RBM20: variants seen among roughly 807,000 people sequenced by gnomAD.
RBM20 encodes RNA binding motif protein 20.
In RBM20, 51 loss-of-function variants were observed where a neutral mutation model predicts 110.1. The ratio of observed to expected loss-of-function variants is 0.46; its 90% confidence interval spans 0.37 to 0.59. RBM20 has a LOEUF of 0.59. Ranked by LOEUF, RBM20 falls within the 20% of genes least tolerant of loss-of-function variation. RBM20 has a pLI of 0.00. For missense variants in RBM20, 1,512 were observed against 1,574.9 expected (o/e 0.96, Z 0.68); for synonymous variants, 589 against 618.2 (o/e 0.95, Z 0.70).
chr10:110,696,381 A>G (rs1294187506), intron 1 of RBM20, among the ~76,000 whole-genome samples: 5 of 152,174 alleles, frequency 3.3e-5, no homozygotes, highest in Non-Finnish European at 5.9e-5. Flanking sequence ...TTCTTGGGAA[A>G]TACAGATGGG....
At chr10:110,729,193 T>C (rs969610032) in intron 1 of RBM20, among the ~76,000 whole-genome samples, 2 of 152,194 alleles carry the variant, frequency 1.3e-5, no homozygotes, top group Non-Finnish European at 2.9e-5. Context: ...TTTAAGAACA[T>C]GCCACTTAAA....
At chr10:110,722,942 T>C (rs1297081620) in intron 1 of RBM20, among the ~76,000 whole-genome samples, 2 of 151,996 alleles carry the variant, frequency 1.3e-5, no homozygotes, top group Non-Finnish European at 2.9e-5. Flanking sequence ...CAAAACTCTG[T>C]CTCTACTAAA....
At chr10:110,699,412 C>T (rs1292103198) in intron 1 of RBM20, among the ~76,000 whole-genome samples, 1 of 151,904 alleles carries the variant, frequency 6.6e-6, no homozygotes. Flanking sequence ...GCTGAGATTA[C>T]AGGCGCTGAC....
At chr10:110,728,168 G>A (rs955646700) in intron 1 of RBM20, among the ~76,000 whole-genome samples, 2 of 152,158 alleles carry the variant, frequency 1.3e-5, no homozygotes, top group African/African-American at 4.8e-5. Flanking sequence ...TATATACCCA[G>A]TAATGGAATT....
chr10:110,741,285 C>A (rs1843721656), intron 1 of RBM20, among the ~76,000 whole-genome samples: 3 of 152,180 alleles, frequency 2.0e-5, no homozygotes, highest in Non-Finnish European at 4.4e-5. Flanking sequence ...AATAAGAAAT[C>A]ATCTGTAGAG....
rs1380949016 is a variant in RBM20, at chr10:110,836,669, G to A, written c.*691G>A. 1 of 152,176 alleles carries A rather than the reference G, an allele frequency of 6.6e-6. No homozygotes were observed. Among genetic ancestry groups the A allele is most frequent in the Non-Finnish European group, 1.5e-5 (1 of 68,032 alleles). 9.4% of individuals were successfully genotyped at this position (152,176 alleles called of 1,614,324 possible). A position where few individuals can be genotyped will look rare whatever the true frequency, so the allele number is the denominator to read the frequency against. On this transcript the variant is annotated 3_prime_UTR_variant, in exon 14 of 14. Coordinates refer to ENST00000369519, the MANE Select transcript of RBM20 (RefSeq NM_001134363.3). ...AAATCTGCCAGACTTATGCCTTAAAGTAAAATTAAATGAATTTTAGAGAAG... is the reference window on the plus strand; with the variant it reads ...AAATCTGCCAGACTTATGCCTTAAAATAAAATTAAATGAATTTTAGAGAAG...
At chr10:110,713,877 A>C (rs1025258461) in intron 1 of RBM20, among the ~76,000 whole-genome samples, 4 of 152,196 alleles carry the variant, frequency 2.6e-5, no homozygotes, top group African/African-American at 7.2e-5. Context: ...TTTCCAGCCT[A>C]CTAAGGACTA....
intron 1 of RBM20, among the ~76,000 whole-genome samples, chr10:110,698,727 G>A (rs911795450): frequency 6.6e-6 from 1 of 152,200 alleles, no homozygotes; most frequent in African/African-American, 2.4e-5. Context: ...CCCACTTTTA[G>A]TTCCTCAGTG....
At chr10:110,734,222 C>G (rs947834256) in intron 1 of RBM20, among the ~76,000 whole-genome samples, 2 of 151,938 alleles carry the variant, frequency 1.3e-5, no homozygotes, top group African/African-American at 4.8e-5. Flanking sequence ...CATTTGTGTC[C>G]CAGGAGAAAC....
chr10:110,674,285 C>T (rs1390922948), intron 1 of RBM20, among the ~76,000 whole-genome samples: 5 of 152,116 alleles, frequency 3.3e-5, no homozygotes, highest in African/African-American at 7.2e-5. Flanking sequence ...AACCTGTACC[C>T]GTATCAGTTC....
In RBM20 at chr10:110,781,455, T is replaced by C. The variant is rs1844345652; in HGVS notation, c.846T>C (p.Phe282=). The stretch of plus-strand genomic sequence containing the variant: ...GTCAAGCTGCCTTTTCCAAAGATTT[T>C]TACGGACCCAACTCCCAAGGTTCAC... ...QDGQAAFSKD[F]YGPNSQGSHV... is the part of the protein sequence containing the mutation. Residue 282 remains phenylalanine, a synonymous_variant, in exon 2 of 14, where the codon TTT becomes TTC. Transcript: ENST00000369519. 1 of 1,551,460 alleles carries C rather than the reference T, an allele frequency of 6.4e-7. No individual in the cohort carries two copies. The highest frequency in any genetic ancestry group is 1.2e-5 in the South Asian group (1 of 84,070).
Position 110,799,779 on chromosome 10 carries a change from T to C in RBM20, c.1669-8T>C, listed in dbSNP as rs1844597824. 6.5e-7 allele frequency: 1 copy of C among 1,549,508 alleles called. No individual in the cohort carries two copies. The highest frequency in any genetic ancestry group is 1.2e-5 in the South Asian group (1 of 83,660). ...AAGTCCAGTGAGTGTCCTTCCTTTCTTTCTTAGGCCTTTTTAGAGATGGCT... is the reference window on the plus strand; with the variant it reads ...AAGTCCAGTGAGTGTCCTTCCTTTCCTTCTTAGGCCTTTTTAGAGATGGCT... On this transcript the variant is annotated splice_region_variant and splice_polypyrimidine_tract_variant and intron_variant, in intron 6 of 13. Transcript: ENST00000369519.
intron 7 of RBM20, among the ~76,000 whole-genome samples, chr10:110,806,702 G>C (rs1310183462): frequency 6.6e-6 from 1 of 152,238 alleles, no homozygotes; most frequent in South Asian, 2.1e-4. Context: ...TGGATTCTTC[G>C]GGGTTCAGTA....
At chr10:110,709,754 G>C (rs902186539) in intron 1 of RBM20, among the ~76,000 whole-genome samples, 1 of 151,702 alleles carries the variant, frequency 6.6e-6, no homozygotes. Flanking sequence ...TAATTTTGTA[G>C]AGATGGGGGG....
chr10:110,682,799 C>T (rs569291758), intron 1 of RBM20, among the ~76,000 whole-genome samples: 2 of 152,282 alleles, frequency 1.3e-5, no homozygotes, highest in Admixed American at 6.5e-5. Flanking sequence ...ATGCAAATAT[C>T]CTGTTTCTTT....
intron 1 of RBM20, among the ~76,000 whole-genome samples, chr10:110,752,071 A>C (rs1200493278): frequency 6.6e-6 from 1 of 152,080 alleles, no homozygotes; most frequent in Non-Finnish European, 1.5e-5. Context: ...TGTCCTTTAC[A>C]CTGGGGTTCA....
chr10:110,807,326 A>G (rs1278397958), intron 7 of RBM20, among the ~76,000 whole-genome samples: 3 of 152,292 alleles, frequency 2.0e-5, no homozygotes, highest in African/African-American at 7.2e-5. Flanking sequence ...TTCTGTGGTT[A>G]AGAAAATAAG....
At chr10:110,717,365 A>G (rs946862345) in intron 1 of RBM20, among the ~76,000 whole-genome samples, 1 of 152,112 alleles carries the variant, frequency 6.6e-6, no homozygotes, top group Non-Finnish European at 1.5e-5. Context: ...CCTCCTCTCC[A>G]GAAAAATTCC....
At chr10:110,794,556 A>T (rs1194807604) in intron 5 of RBM20, among the ~76,000 whole-genome samples, 1 of 152,252 alleles carries the variant, frequency 6.6e-6, no homozygotes, top group Non-Finnish European at 1.5e-5. Context: ...AGCCTGAGGG[A>T]TCAATATCTT....
Sources: allele counts gnomAD v4.1 joint callset (sites outside exome capture counted in the v4.1 genomes callset), GRCh38; gene constraint gnomAD v4.1.1; transcripts MANE v1.5; gene names NCBI Gene and HGNC (gene_info 2026-07-23, HGNC 2026-07-21).